The following ECPAS variants were observed in gnomAD, a reference collection of about 807,000 sequenced individuals.
ECPAS encodes the protein Ecm29 proteasome adaptor and scaffold.
ECPAS carries 70 observed loss-of-function variants against 255.1 expected under a neutral mutation model. The observed-to-expected ratio is 0.27, with a 90% CI of 0.23 to 0.33. ECPAS has a LOEUF of 0.33. ECPAS is among the 10% of genes least tolerant of loss of function. The pLI is 1.00. For synonymous variants in ECPAS, 784 were observed against 775.0 expected, an observed-to-expected ratio of 1.01 and a Z score of -0.19; for missense variants, 1,817 against 2,206.4, an observed-to-expected ratio of 0.82 and a Z score of 3.54.
At chr9:111,367,918 T>C (rs2098122429) in intron 46 of ECPAS, among the ~76,000 whole-genome samples, 1 of 151,438 alleles carries the variant, frequency 6.6e-6, no homozygotes, top group South Asian at 2.1e-4. Context: ...GGCATGCACT[T>C]GTAGACCCAA....
Position 111,369,446 on chromosome 9 carries a change from C to T in ECPAS, c.4975-273G>A, listed in dbSNP as rs1309422134. ...TTTGAGCATAACATGAAAAGACTTG[C>T]ATTAGAATCAGATTTTAAAGATGGA... On this transcript the variant is annotated intron_variant, in intron 45 of 49. Transcript: ENST00000684092. Among the ~76,000 whole-genome samples, 4 of 152,082 alleles carry T rather than the reference C, an allele frequency of 2.6e-5. No homozygotes were observed. In the East Asian group the frequency reaches 7.7e-4, roughly 29 times the overall value.
At position 111,366,236 on chromosome 9, in the gene ECPAS, C is replaced by T. The variant is rs372361137; in HGVS notation, c.5308+3G>A. On this transcript the variant is annotated splice_donor_region_variant and intron_variant, in intron 48 of 49. Coordinates refer to ENST00000684092, the MANE Select transcript of ECPAS (RefSeq NM_001364929.1). ...CTCATCAGTTTTAGTTTACTACACTCACCTAAAGAATATGTGATTGATTTA... is the reference window on the plus strand; with the variant it reads ...CTCATCAGTTTTAGTTTACTACACTTACCTAAAGAATATGTGATTGATTTA... 9 of 1,549,702 alleles carry T rather than the reference C, an allele frequency of 5.8e-6. No individual in the cohort carries two copies. Among genetic ancestry groups the T allele is most frequent in the Non-Finnish European group, 7.9e-6 (9 of 1,140,742 alleles).
chr9:111,423,264 A>G lies in ECPAS; in HGVS notation c.1216-16T>C, dbSNP rs778726923. 2.0e-6 allele frequency: 3 copies of G among 1,474,874 alleles called. No individual in the cohort carries two copies. The highest frequency in any genetic ancestry group is 1.2e-5 in the South Asian group (1 of 80,166). 91.4% of individuals were successfully genotyped at this position (1,474,874 alleles called of 1,614,324 possible). The stretch of plus-strand genomic sequence containing the variant: ...GTTTAGGGTCCTTGAAATTAAAAAA[A>G]GAAAAGAAAGAAAAGAAAGAACAAA... On this transcript the variant is annotated splice_polypyrimidine_tract_variant and intron_variant, in intron 12 of 49. Coordinates refer to ENST00000684092, the MANE Select transcript of ECPAS (RefSeq NM_001364929.1).
intron 2 of ECPAS, among the ~76,000 whole-genome samples, chr9:111,466,078 T>C: frequency 6.7e-6 from 1 of 150,004 alleles, no homozygotes; most frequent in South Asian, 2.1e-4. Context: ...AAATCAAAAA[T>C]CCATGTTTTA....
intron 35 of ECPAS, among the ~76,000 whole-genome samples, chr9:111,381,190 A>G (rs1382875186): frequency 6.6e-6 from 1 of 152,234 alleles, no homozygotes; most frequent in Non-Finnish European, 1.5e-5. Context: ...AGTAAGAGAC[A>G]GGCAACTCTT....
At chr9:111,482,888 C>T (rs114407729) in intron 1 of ECPAS, among the ~76,000 whole-genome samples, 2,195 of 152,248 alleles carry the variant, frequency 0.014, 66 homozygotes, top group African/African-American at 0.05. Context: ...CCGCCGTCCC[C>T]GGGAAGGCTG....
At position 111,386,360 on chromosome 9, in the gene ECPAS, A is replaced by G; in HGVS notation, c.3527+17T>C. 1 of 1,502,256 alleles carries G rather than the reference A, an allele frequency of 6.7e-7. No homozygotes were observed. The highest frequency in any genetic ancestry group is 9.2e-7 in the Non-Finnish European group (1 of 1,085,138). 93.1% of individuals were successfully genotyped at this position (1,502,256 alleles called of 1,614,324 possible). On this transcript the variant is annotated intron_variant, in intron 32 of 49. Coordinates refer to ENST00000684092, the MANE Select transcript of ECPAS (RefSeq NM_001364929.1). The stretch of plus-strand genomic sequence containing the variant: ...TTCAGTTTTATTTGACTAAACTTAT[A>G]TTCCTAAAAACGGTACCTGGATTCT...
Position 111,474,431 on chromosome 9 carries a change from T to C in ECPAS, c.-82-1431A>G, listed in dbSNP as rs946240511. 2.6e-5 allele frequency among the ~76,000 whole-genome samples: 4 copies of C among 152,180 alleles called. 1 individual carries two copies. The highest frequency in any genetic ancestry group is 9.7e-5 in the African/African-American group (4 of 41,436). ...TATATTAACTCCTTGCCAAATCCAC[T>C]TCCACTGTCCCAACTCAGACCCTAA... On this transcript the variant is annotated intron_variant, in intron 1 of 49. Transcript: ENST00000684092.
chr9:111,448,316 G>T (rs1564552562), intron 3 of ECPAS, among the ~76,000 whole-genome samples: 2 of 151,646 alleles, frequency 1.3e-5, no homozygotes, highest in Admixed American at 1.3e-4. Context: ...TGCAGGCTGG[G>T]GCAAATATTT....
In ECPAS at chr9:111,471,419, T is replaced by C. The variant is rs187539409; in HGVS notation, c.22+1478A>G. ...TTTAAAATTATCCCATCCCTCAAAA[T>C]TTCACCTAAATGAATAAGACATTTT... On this transcript the variant is annotated intron_variant, in intron 2 of 49. Transcript: ENST00000684092. Among the ~76,000 whole-genome samples, 597 of 152,286 alleles carry C rather than the reference T, an allele frequency of 3.9e-3. 5 individuals carry two copies. The highest frequency in any genetic ancestry group is 0.014 in the African/African-American group (574 of 41,556).
rs576238557 is a variant in ECPAS at position 111,394,844 on chromosome 9, G to C, written c.2777-539C>G. Reference sequence around the variant, plus strand: ...TGTCTAGACATTACCAAGTGTCTAGGGGGAAAAATCTCATTCCTCCAGTGA... The same window carrying C: ...TGTCTAGACATTACCAAGTGTCTAGCGGGAAAAATCTCATTCCTCCAGTGA... On this transcript the variant is annotated intron_variant, in intron 25 of 49. Transcript: ENST00000684092. Among the ~76,000 whole-genome samples the C allele has an allele frequency of 3.3e-5, 5 of 152,226 alleles. No individual in the cohort carries two copies. The South Asian group carries it at 1.0e-3, about 32-fold the overall frequency.
At chr9:111,440,708 C>T (rs529029868) in intron 5 of ECPAS, among the ~76,000 whole-genome samples, 187 bp from the exon 6 acceptor site, 3 of 152,232 alleles carry the variant, frequency 2.0e-5, no homozygotes, top group Non-Finnish European at 4.4e-5. Flanking sequence ...TTATTGAAAG[C>T]TCAGTATATT....
intron 2 of ECPAS, among the ~76,000 whole-genome samples, chr9:111,456,417 T>C (rs118148209): frequency 1.3e-3 from 194 of 152,290 alleles, no homozygotes; most frequent in Non-Finnish European, 2.1e-3. Flanking sequence ...AGTCTAAAAA[T>C]CCTTGCCTAT....
intron 1 of ECPAS, among the ~76,000 whole-genome samples, chr9:111,483,325 C>A (rs1290031726): frequency 6.6e-6 from 1 of 151,602 alleles, no homozygotes; most frequent in African/African-American, 2.4e-5. Flanking sequence ...CCTACAAACG[C>A]CAGCGGCGAC....
At position 111,414,459 on chromosome 9, in the gene ECPAS, G is replaced by A; in HGVS notation, c.1957C>T (p.Leu653=). ...ACACCTGCTAACAGCTGCTGAAGCA[G>A]GCCAATGTAGATCTGGACAGGGTTA... ...ETNPVQIYIG[L]LQQLLAGVGG... The change falls in exon 19 of 50, where the codon CTG becomes TTG. Residue 653 remains leucine (L), a synonymous_variant. Coordinates refer to ENST00000684092, the MANE Select transcript of ECPAS (RefSeq NM_001364929.1). The A allele has an allele frequency of 6.2e-7, 1 of 1,613,988 alleles. No homozygotes were observed. The highest frequency in any genetic ancestry group is 1.1e-5 in the South Asian group (1 of 91,078).
In ECPAS at chr9:111,442,371, T is replaced by C. The variant is rs1463101713; in HGVS notation, c.324A>G (p.Lys108=). 1 of 1,613,024 alleles carries C rather than the reference T, an allele frequency of 6.2e-7. No homozygotes were observed. Among genetic ancestry groups the C allele is most frequent in the South Asian group, 1.1e-5 (1 of 90,750 alleles). Residue 108 remains lysine (K), a synonymous_variant, in exon 5 of 50, where the codon AAA becomes AAG. Coordinates refer to ENST00000684092, the MANE Select transcript of ECPAS (RefSeq NM_001364929.1). The part of the protein sequence containing the change: ...KMGYPRLPVE[K]QCELAPTLLT... ...GAAGCGTAGGGGCCAGTTCACATTG[T>C]TTTTCCACTGGTAGGCGAGGATAGC...
chr9:111,455,896 C>T (rs537158295), intron 2 of ECPAS, among the ~76,000 whole-genome samples: 126 of 152,300 alleles, frequency 8.3e-4, no homozygotes, highest in African/African-American at 3.0e-3. Context: ...GGTGACCTTG[C>T]TACACTAAAT....
At chr9:111,469,413 A>C (rs1156893934) in intron 2 of ECPAS, among the ~76,000 whole-genome samples, 1 of 152,172 alleles carries the variant, frequency 6.6e-6, no homozygotes, top group Non-Finnish European at 1.5e-5. Context: ...GGGCGCCTGC[A>C]ATCCCAGCTA....
intron 1 of ECPAS, among the ~76,000 whole-genome samples, chr9:111,481,932 G>A (rs1347033342): frequency 2.0e-5 from 3 of 152,212 alleles, no homozygotes; most frequent in African/African-American, 7.2e-5. Flanking sequence ...TGGTCGCCAG[G>A]GGCCGAAGGG....
Sources: allele counts gnomAD v4.1 joint callset (sites outside exome capture counted in the v4.1 genomes callset), GRCh38; gene constraint gnomAD v4.1.1; transcripts MANE v1.5; gene names NCBI Gene and HGNC (gene_info 2026-07-23, HGNC 2026-07-21).